The following KHDRBS2 variants were observed in gnomAD, a reference collection of about 807,000 sequenced individuals.
The protein encoded by KHDRBS2 is KH domain-containing, RNA-binding, signal transduction-associated protein 2.
Under a neutral mutation model 44.3 loss-of-function variants are expected in KHDRBS2, and 26 were observed. The ratio of observed to expected loss-of-function variants is 0.59; its 90% CI spans 0.43 to 0.81. The LOEUF is 0.81. Ranked by LOEUF, KHDRBS2 falls within the 40% of genes least tolerant of loss-of-function variation. KHDRBS2 has a pLI of 0.00. For missense variants in KHDRBS2, 476 were observed against 433.1 expected (o/e 1.10, Z -0.88); for synonymous variants, 194 against 151.1 (o/e 1.28, Z -2.08).
At chr6:61,873,398 A>G (rs1043111162) in intron 6 of KHDRBS2, among the ~76,000 whole-genome samples, 4 of 152,046 alleles carry the variant, frequency 2.6e-5, no homozygotes, top group Non-Finnish European at 4.4e-5. Flanking sequence ...ATGAAAATAT[A>G]ACAAATTTCA....
the KHDRBS2 span, among the ~76,000 whole-genome samples, chr6:61,544,468 A>AAAATAGC: frequency 4.9e-4 from 75 of 152,238 alleles, 1 homozygote; most frequent in South Asian, 0.014. Context: ...CCTCCAAGCT[A>AAAATAGC]AAATAGCAAA....
In KHDRBS2 at chr6:62,113,205, C is replaced by A. The variant is rs980271062; in HGVS notation, c.219+63980G>T. Among the ~76,000 whole-genome samples the A allele has an allele frequency of 5.3e-5, 8 of 151,990 alleles. No homozygotes were observed. In the East Asian group the frequency reaches 1.5e-3, roughly 29 times the overall value. On this transcript the variant is annotated intron_variant, in intron 2 of 8. Transcript: ENST00000281156. ...CCATTAAGAATGGACATTCTTTAAGCACATATTATGTCCCATATTCAGGCT... is the reference window on the plus strand; with the variant it reads ...CCATTAAGAATGGACATTCTTTAAGAACATATTATGTCCCATATTCAGGCT...
chr6:62,127,646 AGG>A (rs1260850209), intron 2 of KHDRBS2, among the ~76,000 whole-genome samples: 9 of 152,100 alleles, frequency 5.9e-5, no homozygotes, highest in Non-Finnish European at 1.2e-4. Context: ...AGAATCTGCT[AGG>A]TTGTAATTTC....
chr6:61,901,507 A>C, intron 4 of KHDRBS2, 136 bp from the exon 5 acceptor site: 1 of 647,076 alleles, frequency 1.5e-6, no homozygotes, highest in East Asian at 2.8e-5. Context: ...TTATATGCAA[A>C]AATATAAAAT....
intron 3 of KHDRBS2, among the ~76,000 whole-genome samples, chr6:61,985,792 G>C (rs1774950977): frequency 6.6e-6 from 1 of 151,940 alleles, no homozygotes; most frequent in South Asian, 2.1e-4. Flanking sequence ...TCCCTTCACG[G>C]GCATCCTGAT....
intron 2 of KHDRBS2, among the ~76,000 whole-genome samples, chr6:62,106,824 A>G (rs561439841): frequency 1.6e-3 from 239 of 152,272 alleles, no homozygotes; most frequent in African/African-American, 5.6e-3. Flanking sequence ...GCATATAAAC[A>G]GAACCAAAGA....
chr6:61,570,965 T>G, the KHDRBS2 span, among the ~76,000 whole-genome samples: 1 of 151,974 alleles, frequency 6.6e-6, no homozygotes, highest in Non-Finnish European at 1.5e-5. Context: ...TAGAATCTTC[T>G]TAAAGCATAT....
At chr6:62,125,089 A>G (rs1055804661) in intron 2 of KHDRBS2, among the ~76,000 whole-genome samples, 1 of 152,166 alleles carries the variant, frequency 6.6e-6, no homozygotes, top group Admixed American at 6.5e-5. Context: ...TTTTAACTTC[A>G]TATCACTGAA....
the KHDRBS2 span, among the ~76,000 whole-genome samples, chr6:61,562,619 T>C: frequency 2.0e-5 from 3 of 152,262 alleles, no homozygotes; most frequent in South Asian, 2.1e-4. Context: ...AATGTCTTTC[T>C]TAGGGACCTC....
At chr6:61,764,650 ATGTT>A (rs1336950416) in intron 6 of KHDRBS2, among the ~76,000 whole-genome samples, 5 of 151,448 alleles carry the variant, frequency 3.3e-5, no homozygotes, top group Non-Finnish European at 7.4e-5. Flanking sequence ...TTTTTTTCAT[ATGTT>A]TGTTTGCTGT....
At chr6:61,816,933 A>G (rs1022001562) in intron 6 of KHDRBS2, 3 of 455,628 alleles carry the variant, frequency 6.6e-6, no homozygotes, top group Non-Finnish European at 1.3e-5. Context: ...CATCTTTAGC[A>G]TTTCTACTTG....
At chr6:62,225,473 T>A (rs1585287945) in intron 1 of KHDRBS2, among the ~76,000 whole-genome samples, 1 of 152,306 alleles carries the variant, frequency 6.6e-6, no homozygotes, top group South Asian at 2.1e-4. Flanking sequence ...GATTATGATA[T>A]CAATTTGGGA....
chr6:62,131,653 A>C (rs564789182), intron 2 of KHDRBS2, among the ~76,000 whole-genome samples: 1 of 152,256 alleles, frequency 6.6e-6, no homozygotes, highest in South Asian at 2.1e-4. Flanking sequence ...TTCTCTTCTC[A>C]TCCTCTGGTT....
chr6:62,053,801 A>C (rs1404495165), intron 2 of KHDRBS2, among the ~76,000 whole-genome samples: 4 of 152,028 alleles, frequency 2.6e-5, no homozygotes, highest in African/African-American at 9.7e-5. Flanking sequence ...TGCCATTTAT[A>C]TAATTATATA....
In KHDRBS2 at chr6:62,286,028, T is replaced by C; in HGVS notation, c.-80A>G. 2.4e-6 allele frequency: 2 copies of C among 829,960 alleles called. No homozygotes were observed. The highest frequency in any genetic ancestry group is 4.0e-6 in the Non-Finnish European group (2 of 497,684). 51.4% of individuals were successfully genotyped at this position (829,960 alleles called of 1,614,324 possible). On this transcript the variant is annotated 5_prime_UTR_variant, in exon 1 of 9. Coordinates refer to ENST00000281156, the MANE Select transcript of KHDRBS2 (RefSeq NM_152688.4). ...GCAGGCAGGGTCTTGGGGCAGCGCC[T>C]GGCTCCCGCGCTGCTCCTCCTCCGC...
rs1432676329 is a variant in KHDRBS2, at chr6:61,894,717, G to A, written c.728C>T (p.Pro243Leu). The change falls in exon 6 of 9, where the codon CCT becomes CTT. Residue 243 changes from proline (P) to leucine (L), a missense_variant. Coordinates refer to ENST00000281156, the MANE Select transcript of KHDRBS2 (RefSeq NM_152688.4). ...LPVPPVARGVPTPRARGAPTV... is the reference protein window; with the variant it reads ...LPVPPVARGVLTPRARGAPTV... ...TGGTGCCCCCCGGGCTCGAGGGGTA[G>A]GGACACCTCTTGCTACAGGTGGCAC... 2.5e-6 allele frequency: 4 copies of A among 1,613,462 alleles called. No individual in the cohort carries two copies. Among genetic ancestry groups the A allele is most frequent in the Non-Finnish European group, 1.7e-6 (2 of 1,179,674 alleles).
At chr6:62,097,707 C>G (rs1800925127) in intron 2 of KHDRBS2, among the ~76,000 whole-genome samples, 1 of 151,984 alleles carries the variant, frequency 6.6e-6, no homozygotes, top group South Asian at 2.1e-4. Context: ...AAATTTAATA[C>G]ATTTATATTT....
chr6:61,946,412 T>C lies in KHDRBS2; in HGVS notation c.483+31654A>G, dbSNP rs534256597. On this transcript the variant is annotated intron_variant, in intron 4 of 8. Coordinates refer to ENST00000281156, the MANE Select transcript of KHDRBS2 (RefSeq NM_152688.4). Reference sequence around the variant, plus strand: ...TCCATGCTGCTGTCTTGCTTGGCACTAGACCTGTGTACAGGAGAGTGCTCT... The same window carrying C: ...TCCATGCTGCTGTCTTGCTTGGCACCAGACCTGTGTACAGGAGAGTGCTCT... 2.0e-5 allele frequency among the ~76,000 whole-genome samples: 3 copies of C among 152,346 alleles called. No individual in the cohort carries two copies. The South Asian group carries it at 6.2e-4, about 32-fold the overall frequency.
At chr6:62,163,001 A>C (rs1585014321) in intron 2 of KHDRBS2, among the ~76,000 whole-genome samples, 1 of 152,010 alleles carries the variant, frequency 6.6e-6, no homozygotes, top group East Asian at 1.9e-4. Context: ...TCAAGTAAGT[A>C]AGTCTTGGAG....
Sources: gnomAD v4.1 joint callset for allele counts (sites outside exome capture counted in the v4.1 genomes callset) on GRCh38, gnomAD v4.1.1 for gene constraint, MANE v1.5 for transcripts, NCBI Gene and HGNC (gene_info 2026-07-23, HGNC 2026-07-21) for gene names.